The following ITIH2 variants were observed in gnomAD, a reference collection of about 807,000 sequenced individuals.
ITIH2 encodes the protein inter-alpha-trypsin inhibitor heavy chain 2.
A neutral mutation model predicts 104.4 loss-of-function variants in ITIH2; 103 were observed. The ratio of observed to expected loss-of-function variants is 0.99; its 90% CI spans 0.84 to 1.16. The LOEUF (loss-of-function observed/expected upper bound fraction) is 1.16. ITIH2 is among the 50% of genes most tolerant of loss of function. ITIH2 has a pLI of 0.00. For missense variants in ITIH2, 1,108 were observed against 1,162.4 expected, an observed-to-expected ratio of 0.95 and a Z score of 0.68; for synonymous variants, 436 against 435.4, an observed-to-expected ratio of 1.00 and a Z score of -0.02.
In ITIH2 at chr10:7,723,540, C is replaced by T. The variant is rs772546715; in HGVS notation, c.957C>T (p.Gly319=). 6.2e-7 allele frequency: 1 copy of T among 1,613,018 alleles called. No homozygotes were observed. The highest frequency in any genetic ancestry group is 8.5e-7 in the Non-Finnish European group (1 of 1,178,970). Reference sequence around the variant, plus strand: ...TCCTCTTTGTCATCGATGTGAGTGGCTCCATGTGGGGAGTTAAAATGAAAC... The same window carrying T: ...TCCTCTTTGTCATCGATGTGAGTGGTTCCATGTGGGGAGTTAAAATGAAAC... ...KNILFVIDVS[G]SMWGVKMKQT... The change falls in exon 9 of 21, where the codon GGC becomes GGT. Residue 319 remains glycine, a synonymous_variant. Coordinates refer to ENST00000358415, the MANE Select transcript of ITIH2 (RefSeq NM_002216.3).
intron 5 of ITIH2, among the ~76,000 whole-genome samples, chr10:7,716,319 T>G (rs1834849376): frequency 6.6e-6 from 1 of 152,178 alleles, no homozygotes; most frequent in South Asian, 2.1e-4. Context: ...TCCCTGTTTA[T>G]CCTAACGCTG....
intron 5 of ITIH2, among the ~76,000 whole-genome samples, chr10:7,715,662 A>G (rs1834841677): frequency 6.6e-6 from 1 of 152,144 alleles, no homozygotes; most frequent in African/African-American, 2.4e-5. Flanking sequence ...CAATTATTTG[A>G]TATCGCAAGC....
chr10:7,731,172 C>T (rs1399513791), intron 12 of ITIH2, among the ~76,000 whole-genome samples: 2 of 152,076 alleles, frequency 1.3e-5, no homozygotes, highest in East Asian at 3.9e-4. Context: ...CCTGCCTTGG[C>T]CTCCCAAAGT....
In ITIH2 at chr10:7,717,792, A is replaced by G; in HGVS notation, c.630+4A>G. 2 of 1,603,884 alleles carry G rather than the reference A, an allele frequency of 1.2e-6. No individual in the cohort carries two copies. The highest frequency in any genetic ancestry group is 8.5e-7 in the Non-Finnish European group (1 of 1,172,998). On this transcript the variant is annotated splice_donor_region_variant and intron_variant, in intron 6 of 20. Transcript: ENST00000358415. ...ACGGCTGGCCAAACACTTAGAGGTA[A>G]GCCTGGATCTGTAGGGTGGGCAGTG...
intron 17 of ITIH2, 77 bp downstream of exon 17, chr10:7,743,336 T>C (rs1340217483): frequency 1.3e-6 from 1 of 762,886 alleles, no homozygotes; most frequent in Non-Finnish European, 2.3e-6. Context: ...GATTTCTTTC[T>C]TTCTCAGCTT....
In ITIH2 at chr10:7,721,631, T is replaced by A; in HGVS notation, c.739-18T>A. The A allele has an allele frequency of 6.2e-7, 1 of 1,611,230 alleles. No individual in the cohort carries two copies. The highest frequency in any genetic ancestry group is 1.1e-5 in the South Asian group (1 of 90,714). ...AAGGGGCTAGAGGCAGAGGCTCTGA[T>A]GTCACCGTTCTTTCTAGGCGCACGT... On this transcript the variant is annotated intron_variant, in intron 7 of 20. Coordinates refer to ENST00000358415, the MANE Select transcript of ITIH2 (RefSeq NM_002216.3).
At chr10:7,731,165 G>A (rs1834998984) in intron 12 of ITIH2, among the ~76,000 whole-genome samples, 1 of 152,088 alleles carries the variant, frequency 6.6e-6, no homozygotes, top group African/African-American at 2.4e-5. Flanking sequence ...TGATCCGCCT[G>A]CCTTGGCCTC....
At chr10:7,719,638 G>A (rs1396782369) in intron 6 of ITIH2, among the ~76,000 whole-genome samples, 1 of 151,296 alleles carries the variant, frequency 6.6e-6, no homozygotes, top group East Asian at 2.0e-4. Flanking sequence ...GTGCTCCCCT[G>A]TAGTCCCACC....
In ITIH2 at chr10:7,738,136, T is replaced by C. The variant is rs1236397290; in HGVS notation, c.1958-485T>C. Among the ~76,000 whole-genome samples the C allele has an allele frequency of 6.3e-5, 3 of 47,904 alleles. 1 individual carries two copies. The highest frequency in any genetic ancestry group is 2.3e-4 in the African/African-American group (3 of 13,064). 31.4% of individuals were successfully genotyped at this position (47,904 alleles called of 152,430 possible). ...TATATATTATATATTATATTCTATA[T>C]ATTATATATTATATTCTATATATTA... On this transcript the variant is annotated intron_variant, in intron 15 of 20. Coordinates refer to ENST00000358415, the MANE Select transcript of ITIH2 (RefSeq NM_002216.3).
chr10:7,724,121 G>A (rs548982813), intron 9 of ITIH2, among the ~76,000 whole-genome samples: 1 of 152,234 alleles, frequency 6.6e-6, no homozygotes, highest in South Asian at 2.1e-4. Context: ...ATGTACAGAT[G>A]CAATACTAAA....
At chr10:7,721,815 G>A (rs756262619) in intron 8 of ITIH2, 38 bp downstream of exon 8, 17 of 1,607,618 alleles carry the variant, frequency 1.1e-5, no homozygotes, top group Admixed American at 3.4e-5. Context: ...TGCCAAGCTC[G>A]TGCCAAAGAG....
chr10:7,738,239 A>G lies in ITIH2; in HGVS notation c.1958-382A>G, dbSNP rs187452008. Among the ~76,000 whole-genome samples the G allele has an allele frequency of 9.7e-4, 109 of 112,314 alleles. 1 individual carries two copies. Among genetic ancestry groups the G allele is most frequent in the Non-Finnish European group, 1.4e-3 (84 of 57,996 alleles). 73.7% of individuals were successfully genotyped at this position (112,314 alleles called of 152,430 possible). A position where few individuals can be genotyped will look rare whatever the true frequency, so the allele number is the denominator to read the frequency against. ...TATTCTATATAATATTATATATTAT[A>G]TTCTATATAATATTATATATTATAT... On this transcript the variant is annotated intron_variant, in intron 15 of 20. Coordinates refer to ENST00000358415, the MANE Select transcript of ITIH2 (RefSeq NM_002216.3).
rs763864011 is a variant in ITIH2, at chr10:7,746,713, C to T, written c.2693+9C>T. On this transcript the variant is annotated intron_variant, in intron 20 of 20. Coordinates refer to ENST00000358415, the MANE Select transcript of ITIH2 (RefSeq NM_002216.3). ...AAGCTGATCATCACCAGGTAGGCCT[C>T]GGGCGTAAGGACAGTGACGAAAAGG... 10 of 1,571,916 alleles carry T rather than the reference C, an allele frequency of 6.4e-6. No individual in the cohort carries two copies. The African/African-American group carries it at 6.8e-5, about 11-fold the overall frequency.
chr10:7,718,415 G>T (rs181342276), intron 6 of ITIH2, among the ~76,000 whole-genome samples: 21 of 152,284 alleles, frequency 1.4e-4, no homozygotes, highest in East Asian at 3.9e-4. Flanking sequence ...CATCTTTAGG[G>T]GGGGAGGCCA....
intron 4 of ITIH2, among the ~76,000 whole-genome samples, chr10:7,711,054 G>A (rs146445572): frequency 0.011 from 1,677 of 151,960 alleles, 13 homozygotes; most frequent in Non-Finnish European, 0.018. Flanking sequence ...AGCCCCACAT[G>A]CGTTAGCTGT....
rs1433098500 is a variant in ITIH2, at chr10:7,737,570, TATTAA to T, written c.1958-1047_1958-1043del. Among the ~76,000 whole-genome samples, 30 of 133,078 alleles carry T rather than the reference TATTAA, an allele frequency of 2.3e-4. 1 individual carries two copies. Among genetic ancestry groups the T allele is most frequent in the African/African-American group, 8.1e-4 (28 of 34,700 alleles). The allele number at this position is 133,078 out of a possible 152,430, so 87.3% of individuals were successfully genotyped here. On this transcript the variant is annotated intron_variant, in intron 15 of 20. Transcript: ENST00000358415. The stretch of plus-strand genomic sequence containing the variant: ...ATTATGTATTCTATATAATATTATA[TATTAA>T]ATTCTATATTCTATATTATATTCTA...
At chr10:7,715,319 G>A (rs1834837367) in intron 5 of ITIH2, among the ~76,000 whole-genome samples, 1 of 152,080 alleles carries the variant, frequency 6.6e-6, no homozygotes, top group South Asian at 2.1e-4. Context: ...TACTCAGGAG[G>A]CTGAGGCAGG....
intron 7 of ITIH2, 69 bp downstream of exon 7, chr10:7,721,032 G>C: frequency 1.0e-6 from 1 of 975,054 alleles, no homozygotes; most frequent in Admixed American, 1.8e-5. Context: ...TTCTCCTTCT[G>C]TGCTCTGGAG....
rs538003328 is a variant in ITIH2, at chr10:7,734,966, C to T, written c.1832C>T (p.Ser611Leu). 3.5e-5 allele frequency: 57 copies of T among 1,613,654 alleles called. No homozygotes were observed. In the Admixed American group the frequency reaches 7.3e-4, roughly 21 times the overall value. Residue 611 changes from serine to leucine, a missense_variant, in exon 15 of 21, where the codon TCG becomes TTG. By Grantham distance (145) the Ser-to-Leu change is moderately radical (BLOSUM62 -2). Coordinates refer to ENST00000358415, the MANE Select transcript of ITIH2 (RefSeq NM_002216.3). ...TAAAKRRITR[S>L]ILQMSLDHHI... ...GCCGCCAAGAGAAGAATTACAAGAT[C>T]GATCCTGCAGATGTCTCTAGACCAC...
Sources: allele counts gnomAD v4.1 joint callset (sites outside exome capture counted in the v4.1 genomes callset), GRCh38; gene constraint gnomAD v4.1.1; transcripts MANE v1.5; gene names NCBI Gene and HGNC (gene_info 2026-07-23, HGNC 2026-07-21).